BICD1: variants seen among roughly 807,000 people sequenced by gnomAD.
BICD1 encodes the protein protein bicaudal D homolog 1.
BICD1 carries 35 observed loss-of-function variants against 92.5 expected under a neutral mutation model. The ratio of observed to expected loss-of-function variants is 0.38; its 90% CI spans 0.29 to 0.50. The LOEUF is 0.50. BICD1 is among the 20% of genes least tolerant of loss of function. BICD1 has a pLI of 0.93. For missense variants in BICD1, 950 were observed against 1,189.8 expected, an observed-to-expected ratio of 0.80 and a Z score of 2.97; for synonymous variants, 429 against 465.1, an observed-to-expected ratio of 0.92 and a Z score of 1.00.
At chr12:32,133,469 C>G (rs1344178607) in intron 1 of BICD1, among the ~76,000 whole-genome samples, 3 of 149,746 alleles carry the variant, frequency 2.0e-5, no homozygotes, top group East Asian at 4.0e-4. Flanking sequence ...GCCTGGGCGA[C>G]AGAACAAGAC....
Position 32,182,284 on chromosome 12 carries a change from T to TC in BICD1, c.214-33963_214-33962insC, listed in dbSNP as rs199554063. Among the ~76,000 whole-genome samples the TC allele has an allele frequency of 5.0e-4, 65 of 131,284 alleles. 1 individual carries two copies. Among genetic ancestry groups the TC allele is most frequent in the South Asian group, 1.6e-3 (6 of 3,840 alleles). 86.1% of individuals were successfully genotyped at this position (131,284 alleles called of 152,430 possible). On this transcript the variant is annotated intron_variant, in intron 1 of 9. Transcript: ENST00000652176. ...TTTCTTTCTTTCTTTCTTTCTTTTT[T>TC]TTTTTTTTTTTTTTTTGAGACACAG...
intron 1 of BICD1, among the ~76,000 whole-genome samples, chr12:32,146,948 T>G (rs1215647823): frequency 6.6e-6 from 1 of 151,436 alleles, no homozygotes; most frequent in East Asian, 1.9e-4. Context: ...TTCTTCTTCC[T>G]TTTTCTTTTT....
intron 2 of BICD1, among the ~76,000 whole-genome samples, chr12:32,259,700 AT>A (rs1946806974): frequency 6.6e-6 from 1 of 152,196 alleles, no homozygotes; most frequent in Non-Finnish European, 1.5e-5. Flanking sequence ...TTACACTCAC[AT>A]TTCATTGGCC....
At chr12:32,341,402 T>A (rs1938361062) in intron 8 of BICD1, among the ~76,000 whole-genome samples, 1 of 150,838 alleles carries the variant, frequency 6.6e-6, no homozygotes, top group African/African-American at 2.4e-5. Context: ...AGGCGGAAGT[T>A]TCAGCGAACC....
chr12:32,189,283 A>G lies in BICD1; in HGVS notation c.214-26964A>G, dbSNP rs558533368. On this transcript the variant is annotated intron_variant, in intron 1 of 9. Coordinates refer to ENST00000652176, the MANE Select transcript of BICD1 (RefSeq NM_001714.4). ...ATTGCTCTGACAGAGCCATTCTGAC[A>G]GGTTTTAAGTTTCAAAGTTATCAGA... Among the ~76,000 whole-genome samples the G allele has an allele frequency of 2.0e-4, 30 of 152,332 alleles. No homozygotes were observed. The South Asian group carries it at 6.0e-3, about 31-fold the overall frequency.
At chr12:32,250,306 C>T (rs1321307625) in intron 2 of BICD1, among the ~76,000 whole-genome samples, 2 of 152,018 alleles carry the variant, frequency 1.3e-5, no homozygotes, top group African/African-American at 2.4e-5. Context: ...ATGGAGATGA[C>T]GATAATACCT....
In BICD1 at chr12:32,364,532, G is replaced by A. The variant is rs957358885; in HGVS notation, c.2765-3138G>A. 5.9e-5 allele frequency among the ~76,000 whole-genome samples: 9 copies of A among 152,334 alleles called. No individual in the cohort carries two copies. The South Asian group carries it at 1.2e-3, about 21-fold the overall frequency. On this transcript the variant is annotated intron_variant, in intron 8 of 9. Transcript: ENST00000652176. The stretch of plus-strand genomic sequence containing the variant: ...AGGGATTTAGAAGACAACTGAGTCA[G>A]AGCAATGTAGCTACATTTTAGTTTA...
intron 4 of BICD1, among the ~76,000 whole-genome samples, chr12:32,325,851 G>C (rs1450631636): frequency 6.6e-6 from 1 of 151,978 alleles, no homozygotes; most frequent in African/African-American, 2.4e-5. Flanking sequence ...GGGAGGCCGA[G>C]GTGGGCGGAT....
intron 8 of BICD1, among the ~76,000 whole-genome samples, chr12:32,360,412 A>G (rs1481239116): frequency 1.3e-5 from 2 of 152,216 alleles, no homozygotes; most frequent in Non-Finnish European, 1.5e-5. Flanking sequence ...GTGGAAAAGA[A>G]AAGTTTCTCT....
intron 2 of BICD1, among the ~76,000 whole-genome samples, chr12:32,236,547 T>C (rs1946078503): frequency 6.6e-6 from 1 of 152,144 alleles, no homozygotes; most frequent in African/African-American, 2.4e-5. Flanking sequence ...TTAGGCCAAC[T>C]AATAGCCCTA....
chr12:32,263,319 C>T (rs576128356), intron 2 of BICD1, among the ~76,000 whole-genome samples: 7 of 151,948 alleles, frequency 4.6e-5, no homozygotes, highest in Non-Finnish European at 8.8e-5. Context: ...GAGGCCGAGG[C>T]GGGTGGATCA....
At chr12:32,195,799 A>T (rs1383050285) in intron 1 of BICD1, among the ~76,000 whole-genome samples, 1 of 152,346 alleles carries the variant, frequency 6.6e-6, no homozygotes, top group East Asian at 1.9e-4. Flanking sequence ...AACTAAAAAA[A>T]CTTCTGCACA....
In BICD1 at chr12:32,342,128, A is replaced by ATATATATATATGTG. The variant is rs1555170777; in HGVS notation, c.2764+3158_2764+3159insATGTGTATATATAT. On this transcript the variant is annotated intron_variant, in intron 8 of 9. Transcript: ENST00000652176. ...TAAGCATTGTTTTACATATATATGT[A>ATATATATATATGTG]TATATATATGTGTGTATATATATGT... Among the ~76,000 whole-genome samples the ATATATATATATGTG allele has an allele frequency of 3.9e-5, 4 of 102,738 alleles. No individual in the cohort carries two copies. The East Asian group carries it at 2.7e-3, about 70-fold the overall frequency. The allele number at this position is 102,738 out of a possible 152,430, so 67.4% of individuals were successfully genotyped here. A position where few individuals can be genotyped will look rare whatever the true frequency, so the allele number is the denominator to read the frequency against.
At chr12:32,188,474 T>C (rs1159879511) in intron 1 of BICD1, among the ~76,000 whole-genome samples, 1 of 152,200 alleles carries the variant, frequency 6.6e-6, no homozygotes, top group Non-Finnish European at 1.5e-5. Flanking sequence ...ATCGTATACA[T>C]TGTAAGAAAT....
At chr12:32,366,431 C>T (rs1939527232) in intron 8 of BICD1, among the ~76,000 whole-genome samples, 1 of 152,118 alleles carries the variant, frequency 6.6e-6, no homozygotes, top group South Asian at 2.1e-4. Context: ...ACCAGCCTGA[C>T]CAATATGGTG....
At chr12:32,249,838 A>G (rs1012556294) in intron 2 of BICD1, among the ~76,000 whole-genome samples, 11 of 152,008 alleles carry the variant, frequency 7.2e-5, no homozygotes, top group African/African-American at 2.7e-4. Context: ...ATTTTATTGC[A>G]GCATGACTTT....
intron 1 of BICD1, among the ~76,000 whole-genome samples, chr12:32,182,375 C>T (rs1005005734): frequency 2.7e-5 from 4 of 148,798 alleles, no homozygotes; most frequent in Non-Finnish European, 6.0e-5. Flanking sequence ...CTCCACCTCC[C>T]GGGTCCAGGC....
At chr12:32,120,867 TAGAGAGAGAG>T (rs144690164) in intron 1 of BICD1, among the ~76,000 whole-genome samples, 14 of 83,432 alleles carry the variant, frequency 1.7e-4, no homozygotes, top group Admixed American at 4.3e-4. Flanking sequence ...AATCAACCAT[TAGAGAGAGAG>T]AGAGAGAGAG....
At chr12:32,371,172 T>C (rs2136336597) in intron 9 of BICD1, among the ~76,000 whole-genome samples, 1 of 152,314 alleles carries the variant, frequency 6.6e-6, no homozygotes, top group South Asian at 2.1e-4. Flanking sequence ...ATTTAATGAA[T>C]TACAAACATT....
Sources: gnomAD v4.1 joint callset for allele counts (sites outside exome capture counted in the v4.1 genomes callset) on GRCh38, gnomAD v4.1.1 for gene constraint, MANE v1.5 for transcripts, NCBI Gene and HGNC (gene_info 2026-07-23, HGNC 2026-07-21) for gene names.